XPO4: variants seen among roughly 807,000 people sequenced by gnomAD.
XPO4 encodes the protein exportin-4.
Under a neutral mutation model 143.0 loss-of-function variants are expected in XPO4, and 39 were observed. That is an observed-to-expected ratio of 0.27 (90% CI 0.21 to 0.36). The LOEUF (loss-of-function observed/expected upper bound fraction) is 0.36. XPO4 is among the 10% of genes least tolerant of loss of function. The pLI is 1.00. For missense variants in XPO4, 907 were observed against 1,348.0 expected, an observed-to-expected ratio of 0.67 and a Z score of 5.12; for synonymous variants, 439 against 474.0, an observed-to-expected ratio of 0.93 and a Z score of 0.96.
At chr13:20,815,466 T>C (rs931083686) in intron 9 of XPO4, among the ~76,000 whole-genome samples, 12 of 152,186 alleles carry the variant, frequency 7.9e-5, no homozygotes, top group African/African-American at 2.9e-4. Context: ...TGCTCTAAAA[T>C]ATAAAAAGTC....
At position 20,843,778 on chromosome 13, in the gene XPO4, C is replaced by A. The variant is rs1380482462; in HGVS notation, c.565G>T (p.Val189Phe). 6.2e-7 allele frequency: 1 copy of A among 1,610,796 alleles called. No homozygotes were observed. The highest frequency in any genetic ancestry group is 2.2e-5 in the East Asian group (1 of 44,740). ...AACAAAACTACCAATACCTGAAAAA[C>A]TCTTTTGCAGTTACCATGGAATTCC... The part of the protein sequence containing the change: ...SMEFHGNCKR[V>F]FQEEDLRQIF... The change falls in exon 5 of 23, where the codon GTT becomes TTT. Residue 189 changes from valine (V) to phenylalanine (F), a missense_variant. Physicochemically the swap from Val to Phe is conservative, Grantham distance 50 (BLOSUM62 -1). Coordinates refer to ENST00000255305, the MANE Select transcript of XPO4 (RefSeq NM_022459.5).
At chr13:20,884,369 C>T (rs1469850006) in intron 1 of XPO4, among the ~76,000 whole-genome samples, 1 of 151,996 alleles carries the variant, frequency 6.6e-6, no homozygotes, top group Admixed American at 6.6e-5. Context: ...AGGGTGAGAC[C>T]CTGTCTCTTA....
chr13:20,779,032 A>T lies in XPO4; in HGVS notation c.*4690T>A, dbSNP rs2059111529. 6.6e-6 allele frequency: 1 copy of T among 152,224 alleles called. No individual in the cohort carries two copies. The highest frequency in any genetic ancestry group is 2.4e-5 in the African/African-American group (1 of 41,458). The allele number at this position is 152,224 out of a possible 1,614,324, so 9.4% of individuals were successfully genotyped here. ...TATTGCAGCATCTTCTGAAAAACTA[A>T]ATGCAATTTTATACCTTCATTAGTT... is the stretch of plus-strand genomic sequence containing the variant. On this transcript the variant is annotated 3_prime_UTR_variant, in exon 23 of 23. Transcript: ENST00000255305.
At chr13:20,834,025 A>G (rs2059885651) in intron 6 of XPO4, among the ~76,000 whole-genome samples, 1 of 152,128 alleles carries the variant, frequency 6.6e-6, no homozygotes, top group Non-Finnish European at 1.5e-5. Flanking sequence ...TTGTCTCCAG[A>G]GTCTCAGAGT....
intron 9 of XPO4, among the ~76,000 whole-genome samples, chr13:20,819,977 A>G (rs1037309491): frequency 1.3e-5 from 2 of 152,096 alleles, no homozygotes; most frequent in Non-Finnish European, 2.9e-5. Context: ...CACATCCCCA[A>G]CCTGGTTTCT....
At chr13:20,826,925 A>G (rs1277374600) in intron 7 of XPO4, 142 bp downstream of exon 7, 2 of 579,116 alleles carry the variant, frequency 3.5e-6, no homozygotes, top group East Asian at 5.7e-5. Context: ...TTTTAAAATA[A>G]TTTCTGTTTA....
chr13:20,878,248 A>C (rs562933545), intron 1 of XPO4, among the ~76,000 whole-genome samples: 2 of 152,298 alleles, frequency 1.3e-5, no homozygotes, highest in African/African-American at 4.8e-5. Context: ...AAATGGAACA[A>C]TCACTTAGAA....
At chr13:20,900,605 A>G (rs2060611204) in intron 1 of XPO4, among the ~76,000 whole-genome samples, 1 of 147,940 alleles carries the variant, frequency 6.8e-6, no homozygotes, top group Non-Finnish European at 1.5e-5. Flanking sequence ...GAAATTTCCA[A>G]AAAGTCATTT....
rs1424840845 is a variant in XPO4 at position 20,778,132 on chromosome 13, A to G, written c.*5590T>C. 1 of 151,986 alleles carries G rather than the reference A, an allele frequency of 6.6e-6. No individual in the cohort carries two copies. The highest frequency in any genetic ancestry group is 1.5e-5 in the Non-Finnish European group (1 of 68,032). The allele number at this position is 151,986 out of a possible 1,614,324, so 9.4% of individuals were successfully genotyped here. ...CCATTAAAGATGTCTTTTAAAAAAC[A>G]GTTATAGATGTGTATTTATTTGGGA... On this transcript the variant is annotated 3_prime_UTR_variant, in exon 23 of 23. Transcript: ENST00000255305.
chr13:20,883,845 G>A (rs182991885), intron 1 of XPO4, among the ~76,000 whole-genome samples: 49 of 152,280 alleles, frequency 3.2e-4, no homozygotes, highest in African/African-American at 1.0e-3. Context: ...TCCACTCACC[G>A]CAACCTCCGC....
chr13:20,846,478 A>G (rs1461570479), intron 4 of XPO4, among the ~76,000 whole-genome samples: 1 of 152,222 alleles, frequency 6.6e-6, no homozygotes, highest in East Asian at 1.9e-4. Flanking sequence ...GGCAATGAAT[A>G]TATCCCTCCA....
intron 4 of XPO4, chr13:20,849,145 T>C: frequency 1.0e-6 from 1 of 985,470 alleles, no homozygotes; most frequent in Non-Finnish European, 1.2e-6. Flanking sequence ...GAGAGGATTG[T>C]CTCTTATAAT....
chr13:20,800,358 C>T (rs2059415676), intron 14 of XPO4, 33 bp from the exon 15 acceptor site: 1 of 1,560,182 alleles, frequency 6.4e-7, no homozygotes. Context: ...TTAAGGTAAG[C>T]AAGAAAGATC....
intron 4 of XPO4, chr13:20,848,880 G>C: frequency 1.2e-5 from 12 of 985,238 alleles, no homozygotes; most frequent in Non-Finnish European, 1.4e-5. Context: ...ATAAAAAAAA[G>C]TCTAATTGTC....
chr13:20,862,627 A>C (rs534984441), intron 3 of XPO4, 90 bp downstream of exon 3: 1 of 1,556,672 alleles, frequency 6.4e-7, no homozygotes, highest in African/African-American at 1.4e-5. Context: ...TACCCACCCA[A>C]AAGTTTTTAA....
At chr13:20,869,073 T>A in intron 1 of XPO4, among the ~76,000 whole-genome samples, 1 of 152,124 alleles carries the variant, frequency 6.6e-6, no homozygotes, top group East Asian at 1.9e-4. Context: ...TCAAATAACT[T>A]CAAAATTCTT....
intron 4 of XPO4, among the ~76,000 whole-genome samples, chr13:20,853,372 A>G (rs1197857747): frequency 6.8e-6 from 1 of 146,376 alleles, no homozygotes; most frequent in African/African-American, 2.5e-5. Flanking sequence ...ACCCAGGTAC[A>G]GTAGCCTGTA....
intron 1 of XPO4, among the ~76,000 whole-genome samples, chr13:20,879,947 G>A (rs2060390411): frequency 6.6e-6 from 1 of 152,124 alleles, no homozygotes; most frequent in African/African-American, 2.4e-5. Context: ...TACATAAATA[G>A]CCAAGAAGCA....
At chr13:20,901,112 G>A (rs911854878) in intron 1 of XPO4, among the ~76,000 whole-genome samples, 2 of 152,140 alleles carry the variant, frequency 1.3e-5, no homozygotes, top group Admixed American at 1.3e-4. Flanking sequence ...GCCACTTACA[G>A]TTTCTCAACC....
Sources: allele counts gnomAD v4.1 joint callset (sites outside exome capture counted in the v4.1 genomes callset), GRCh38; gene constraint gnomAD v4.1.1; transcripts MANE v1.5; gene names NCBI Gene and HGNC (gene_info 2026-07-23, HGNC 2026-07-21).